Variants in KIF18A observed in about 807,000 individuals in gnomAD.
KIF18A encodes kinesin family member 18A.
In KIF18A, 67 loss-of-function variants were observed where a neutral mutation model predicts 103.3. That is an observed-to-expected ratio of 0.65 (90% CI 0.53 to 0.79). The LOEUF is 0.79. Ranked by LOEUF, KIF18A falls within the 30% of genes least tolerant of loss-of-function variation. The pLI is 0.00. For missense variants in KIF18A, 1,032 were observed against 1,062.5 expected (o/e 0.97, Z 0.40); for synonymous variants, 367 against 355.5 (o/e 1.03, Z -0.36).
chr11:28,043,680 CAAAACA>C (rs34409539), intron 13 of KIF18A, among the ~76,000 whole-genome samples: 149,877 of 150,548 alleles, frequency 1, 74,609 homozygotes, highest in Middle Eastern at 1. Flanking sequence ...CCAATTTTGA[CAAAACA>C]AAAACAAAAA....
intron 11 of KIF18A, among the ~76,000 whole-genome samples, chr11:28,065,972 T>C (rs1260388916): frequency 6.6e-6 from 1 of 152,040 alleles, no homozygotes; most frequent in Non-Finnish European, 1.5e-5. Flanking sequence ...TATTTTATAT[T>C]TTACTACACA....
chr11:28,055,799 A>G (rs183964424), intron 13 of KIF18A, among the ~76,000 whole-genome samples: 1 of 152,170 alleles, frequency 6.6e-6, no homozygotes, highest in Non-Finnish European at 1.5e-5. Flanking sequence ...ACTGGCACAC[A>G]AAAAATTTGC....
At chr11:28,083,977 C>T (rs947653709) in intron 7 of KIF18A, among the ~76,000 whole-genome samples, 5 of 152,004 alleles carry the variant, frequency 3.3e-5, no homozygotes, top group African/African-American at 1.2e-4. Context: ...AACAGCTTAA[C>T]TCTAGGTTTT....
chr11:28,040,986 T>C (rs983691293), intron 13 of KIF18A, among the ~76,000 whole-genome samples: 2 of 151,800 alleles, frequency 1.3e-5, no homozygotes, highest in African/African-American at 2.4e-5. Flanking sequence ...ACTACTACTA[T>C]TTTGAATCCA....
intron 6 of KIF18A, among the ~76,000 whole-genome samples, chr11:28,087,580 T>G (rs1307269093): frequency 6.6e-6 from 1 of 152,224 alleles, no homozygotes; most frequent in Admixed American, 6.5e-5. Context: ...TAATGATTTA[T>G]AATTCTTTGG....
intron 15 of KIF18A, among the ~76,000 whole-genome samples, chr11:28,028,342 T>C (rs1474421074): frequency 6.6e-6 from 1 of 151,994 alleles, no homozygotes. Flanking sequence ...CAGAATACAG[T>C]GCAATCAAAC....
At chr11:28,079,592 T>C (rs1851137684) in intron 9 of KIF18A, among the ~76,000 whole-genome samples, 1 of 152,068 alleles carries the variant, frequency 6.6e-6, no homozygotes, top group Admixed American at 6.6e-5. Context: ...TGAATAACCA[T>C]TGGTTTAAGT....
At chr11:28,039,406 G>C (rs1850531882) in intron 13 of KIF18A, among the ~76,000 whole-genome samples, 1 of 151,618 alleles carries the variant, frequency 6.6e-6, no homozygotes. Context: ...CTTTGCAAAT[G>C]CAGACCTTAT....
chr11:28,023,625 T>C (rs917254938), intron 16 of KIF18A, 116 bp downstream of exon 16: 5 of 523,122 alleles, frequency 9.6e-6, no homozygotes, highest in East Asian at 3.0e-5. Flanking sequence ...TTCTACCACA[T>C]AGTAAAGGTG....
At chr11:28,059,632 A>G (rs1194576459) in intron 12 of KIF18A, among the ~76,000 whole-genome samples, 3 of 151,988 alleles carry the variant, frequency 2.0e-5, no homozygotes, top group East Asian at 3.9e-4. Context: ...GGGTCTTGCT[A>G]TGTTGTCCAG....
chr11:28,088,460 A>G, intron 6 of KIF18A, 64 bp downstream of exon 6: 4 of 1,331,788 alleles, frequency 3.0e-6, no homozygotes, highest in South Asian at 1.2e-5. Context: ...ATCATATTAA[A>G]TAGTATCTTT....
At chr11:28,088,814 T>C (rs1851265511) in intron 5 of KIF18A, 93 bp from the exon 6 acceptor site, 1 of 974,574 alleles carries the variant, frequency 1.0e-6, no homozygotes, top group South Asian at 1.5e-5. Context: ...AAATCAAAAT[T>C]ATTTTCATTT....
Position 28,069,141 on chromosome 11 carries a change from CAG to C in KIF18A, c.1590+116_1590+117del, listed in dbSNP as rs1261321618. 7.3e-5 allele frequency: 54 copies of C among 744,644 alleles called. No homozygotes were observed. In the African/African-American group the frequency reaches 8.6e-4, roughly 12 times the overall value. The allele number at this position is 744,644 out of a possible 1,614,324, so 46.1% of individuals were successfully genotyped here. A position where few individuals can be genotyped will look rare whatever the true frequency, so the allele number is the denominator to read the frequency against. On this transcript the variant is annotated intron_variant, in intron 11 of 16. Transcript: ENST00000263181. ...TAACATTTAAAAGTAAATTAAATCT[CAG>C]AGTTATGAGGCAATAATAGTTGTCT... is the stretch of plus-strand genomic sequence containing the variant.
Position 28,094,678 on chromosome 11 carries a change from C to T in KIF18A, c.448G>A (p.Glu150Lys). The change falls in exon 3 of 17, where the codon GAG becomes AAG. Residue 150 changes from glutamate to lysine, a missense_variant. Glu to Lys is a moderately conservative substitution (Grantham distance 56). Transcript: ENST00000263181. ...GAAACTGCAGTACTACATATTTTCTCTTCTTTAATCTCATCCATGCATTTG... is the reference window on the plus strand; with the variant it reads ...GAAACTGCAGTACTACATATTTTCTTTTCTTTAATCTCATCCATGCATTTG... ...LYKCMDEIKE[E>K]KICSTAVSYL... 1 of 1,612,578 alleles carries T rather than the reference C, an allele frequency of 6.2e-7. No homozygotes were observed. Among genetic ancestry groups the T allele is most frequent in the Non-Finnish European group, 8.5e-7 (1 of 1,178,688 alleles).
At chr11:28,106,243 G>C (rs1257819254) in intron 1 of KIF18A, among the ~76,000 whole-genome samples, 1 of 152,104 alleles carries the variant, frequency 6.6e-6, no homozygotes, top group Non-Finnish European at 1.5e-5. Context: ...TTAACAGCTA[G>C]GTTCTACTGG....
intron 1 of KIF18A, among the ~76,000 whole-genome samples, chr11:28,106,664 T>C (rs1274233371): frequency 1.3e-5 from 2 of 151,636 alleles, no homozygotes; most frequent in Non-Finnish European, 2.9e-5. Flanking sequence ...TATTTGTAAA[T>C]ACTTTTCAAT....
At chr11:28,035,869 AG>A (rs1397521912) in intron 14 of KIF18A, among the ~76,000 whole-genome samples, 1 of 151,590 alleles carries the variant, frequency 6.6e-6, no homozygotes, top group African/African-American at 2.4e-5. Context: ...AAACATCAAT[AG>A]AAAGTGTGAA....
Position 28,077,134 on chromosome 11 carries a change from C to A in KIF18A, c.1298G>T (p.Arg433Leu). ...QEILNCLFQN[R>L]EEIRQEYLKL... ...CAGATATTCTTGTCTAATTTCTTCTCGATTCTGGAACAAGCAGTTCAGGAT... is the reference window on the plus strand; with the variant it reads ...CAGATATTCTTGTCTAATTTCTTCTAGATTCTGGAACAAGCAGTTCAGGAT... Residue 433 changes from arginine (R) to leucine (L), a missense_variant, in exon 10 of 17, where the codon CGA becomes CTA. Transcript: ENST00000263181. 1.3e-6 allele frequency: 2 copies of A among 1,576,884 alleles called. No individual in the cohort carries two copies. The highest frequency in any genetic ancestry group is 2.4e-5 in the South Asian group (2 of 84,658).
chr11:28,071,001 C>T (rs1851006288), intron 10 of KIF18A, among the ~76,000 whole-genome samples: 1 of 152,110 alleles, frequency 6.6e-6, no homozygotes, highest in African/African-American at 2.4e-5. Context: ...GGCTGCAGTG[C>T]AGTGAGCCAT....
Sources: gnomAD v4.1 joint callset for allele counts (sites outside exome capture counted in the v4.1 genomes callset) on GRCh38, gnomAD v4.1.1 for gene constraint, MANE v1.5 for transcripts, NCBI Gene and HGNC (gene_info 2026-07-23, HGNC 2026-07-21) for gene names.